THRAP3: variants seen among roughly 807,000 people sequenced by gnomAD.
The protein encoded by THRAP3 is thyroid hormone receptor associated protein 3, also known as thyroid hormone receptor-associated protein 3.
A neutral mutation model predicts 101.0 loss-of-function variants in THRAP3; 16 were observed. The ratio of observed to expected loss-of-function variants is 0.16; its 90% CI spans 0.11 to 0.24. The LOEUF is 0.24. Among genes scored for constraint, THRAP3 ranks in the 10% least tolerant of loss-of-function variants. THRAP3 has a pLI of 1.00. For missense variants in THRAP3, 989 were observed against 1,202.7 expected (o/e 0.82, Z 2.63); for synonymous variants, 407 against 422.6 (o/e 0.96, Z 0.45).
chr1:36,232,680 G>T (rs571310972), intron 1 of THRAP3, among the ~76,000 whole-genome samples: 2 of 152,110 alleles, frequency 1.3e-5, no homozygotes, highest in Non-Finnish European at 2.9e-5. Flanking sequence ...TGGCTTGATG[G>T]CATTCTCTGA....
rs1432530464 is a variant in THRAP3 at position 36,287,233 on chromosome 1, G to A, written c.1003G>A (p.Glu335Lys). The A allele has an allele frequency of 6.2e-7, 1 of 1,613,486 alleles. No individual in the cohort carries two copies. The highest frequency in any genetic ancestry group is 8.5e-7 in the Non-Finnish European group (1 of 1,179,668). The change falls in exon 4 of 12, where the codon GAG becomes AAG. Residue 335 changes from glutamate to lysine, a missense_variant. Glu to Lys is a moderately conservative substitution (Grantham distance 56). Coordinates refer to ENST00000354618, the MANE Select transcript of THRAP3 (RefSeq NM_005119.4). The part of the protein sequence containing the change: ...GSTYGSSQKE[E>K]SAASGGAAYT... ...CACATATGGCTCATCTCAGAAGGAG[G>A]AGAGTGCTGCTTCAGGAGGAGCAGC...
chr1:36,290,702 G>T (rs1029532740), intron 5 of THRAP3, among the ~76,000 whole-genome samples: 2 of 152,142 alleles, frequency 1.3e-5, no homozygotes, highest in African/African-American at 2.4e-5. Context: ...CTGACTTCAG[G>T]TGATCTGCCT....
chr1:36,277,315 A>G (rs1645673572), intron 2 of THRAP3, among the ~76,000 whole-genome samples: 1 of 147,318 alleles, frequency 6.8e-6, no homozygotes, highest in African/African-American at 2.5e-5. Flanking sequence ...TTGCTCTGTC[A>G]CCCAGGCTGG....
Position 36,304,182 on chromosome 1 carries a change from C to A in THRAP3, c.*165C>A. The stretch of plus-strand genomic sequence containing the variant: ...CGAGAGGCATCCCTGGCGCTGTCTC[C>A]CACTGGACAGAGGAGGCTGGCCATG... On this transcript the variant is annotated 3_prime_UTR_variant, in exon 12 of 12. Transcript: ENST00000354618. 8.9e-7 allele frequency: 1 copy of A among 1,119,762 alleles called. No individual in the cohort carries two copies. Among genetic ancestry groups the A allele is most frequent in the Non-Finnish European group, 1.2e-6 (1 of 826,018 alleles). 69.4% of individuals were successfully genotyped at this position (1,119,762 alleles called of 1,614,324 possible).
chr1:36,266,110 C>T (rs1431055245), intron 2 of THRAP3, among the ~76,000 whole-genome samples: 1 of 150,088 alleles, frequency 6.7e-6, no homozygotes, highest in Non-Finnish European at 1.5e-5. Context: ...GCTGAGATTG[C>T]ACCACTGCAC....
chr1:36,266,146 C>G (rs1645511329), intron 2 of THRAP3, among the ~76,000 whole-genome samples: 1 of 117,968 alleles, frequency 8.5e-6, no homozygotes, highest in Non-Finnish European at 1.8e-5. Flanking sequence ...GAGTAAGACT[C>G]ATTCTCAAAA....
In THRAP3 at chr1:36,288,039, G is replaced by C. The variant is rs563445964; in HGVS notation, c.1040+769G>C. ...TATTTAGCATGTTTTTTGATCCCTTGATTCTTCTTGGCTGTATTAACACGA... is the reference window on the plus strand; with the variant it reads ...TATTTAGCATGTTTTTTGATCCCTTCATTCTTCTTGGCTGTATTAACACGA... On this transcript the variant is annotated intron_variant, in intron 4 of 11. Transcript: ENST00000354618. The C allele has an allele frequency of 3.1e-6, 3 of 959,838 alleles. No individual in the cohort carries two copies. In the East Asian group the frequency reaches 3.5e-4, roughly 110 times the overall value. The allele number at this position is 959,838 out of a possible 1,614,324, so 59.5% of individuals were successfully genotyped here.
intron 8 of THRAP3, among the ~76,000 whole-genome samples, chr1:36,295,645 T>C (rs776219793): frequency 1.5e-4 from 22 of 151,256 alleles, no homozygotes; most frequent in Middle Eastern, 3.4e-3. Context: ...GTTTCTTTGG[T>C]TTCTTTCCCC....
the THRAP3 span, among the ~76,000 whole-genome samples, chr1:36,214,580 C>T: frequency 2.6e-5 from 4 of 152,268 alleles, no homozygotes; most frequent in African/African-American, 9.6e-5. Context: ...AAATGTGGGC[C>T]AGGCTCATTG....
At chr1:36,287,543 A>T (rs902933792) in intron 4 of THRAP3, 11 of 985,480 alleles carry the variant, frequency 1.1e-5, no homozygotes, top group Non-Finnish European at 1.3e-5. Flanking sequence ...GGATTCTACC[A>T]ATGTAAGCCA....
intron 2 of THRAP3, among the ~76,000 whole-genome samples, chr1:36,263,826 A>C (rs1486387079): frequency 6.6e-6 from 1 of 152,228 alleles, no homozygotes. Context: ...AAAAGTTCTA[A>C]GTGAACTTTT....
At chr1:36,214,348 AG>A in the THRAP3 span, among the ~76,000 whole-genome samples, 2 of 152,222 alleles carry the variant, frequency 1.3e-5, no homozygotes, top group African/African-American at 4.8e-5. Flanking sequence ...GCCCTTTCTC[AG>A]CCAGCCAGTC....
chr1:36,252,948 AT>A (rs1557819372), intron 1 of THRAP3, among the ~76,000 whole-genome samples: 12 of 116,418 alleles, frequency 1.0e-4, no homozygotes, highest in Non-Finnish European at 1.5e-4. Flanking sequence ...ATATATATAT[AT>A]ATATATATAT....
rs950888167 is a variant in THRAP3, at chr1:36,305,356, A to G, written c.*1339A>G. 7.1e-5 allele frequency: 13 copies of G among 184,004 alleles called. No individual in the cohort carries two copies. The highest frequency in any genetic ancestry group is 2.8e-4 in the African/African-American group (12 of 42,550). 11.4% of individuals were successfully genotyped at this position (184,004 alleles called of 1,614,324 possible). On this transcript the variant is annotated 3_prime_UTR_variant, in exon 12 of 12. Transcript: ENST00000354618. ...TAAAATAAATGAAGTGGCAGATGTA[A>G]ACGGGTTCTGTTCATTGTCATCCTG...
At chr1:36,300,556 G>A (rs1385388140) in intron 9 of THRAP3, among the ~76,000 whole-genome samples, 1 of 152,182 alleles carries the variant, frequency 6.6e-6, no homozygotes, top group Non-Finnish European at 1.5e-5. Flanking sequence ...TCTCAATATA[G>A]TGTTAATTTC....
Position 36,291,556 on chromosome 1 carries a change from G to C in THRAP3, c.1918+10G>C. 1 of 1,611,870 alleles carries C rather than the reference G, an allele frequency of 6.2e-7. No homozygotes were observed. Among genetic ancestry groups the C allele is most frequent in the Non-Finnish European group, 8.5e-7 (1 of 1,178,220 alleles). ...GTTCACCATGTTAAAGGTGAGTCCA[G>C]ACCCTGGCCTGCTTCAGGCTCGTGT... On this transcript the variant is annotated intron_variant, in intron 6 of 11. Coordinates refer to ENST00000354618, the MANE Select transcript of THRAP3 (RefSeq NM_005119.4).
chr1:36,278,352 C>G (rs535808277), intron 2 of THRAP3, among the ~76,000 whole-genome samples: 91 of 152,144 alleles, frequency 6.0e-4, no homozygotes, highest in Non-Finnish European at 1.2e-3. Flanking sequence ...AGGCGTGAGT[C>G]ACTGCACCAG....
At chr1:36,251,436 C>T (rs1344635657) in intron 1 of THRAP3, among the ~76,000 whole-genome samples, 1 of 152,024 alleles carries the variant, frequency 6.6e-6, no homozygotes, top group East Asian at 1.9e-4. Flanking sequence ...CATCAGTTGG[C>T]ATGTTTGATT....
At chr1:36,239,483 T>C (rs536185304) in intron 1 of THRAP3, among the ~76,000 whole-genome samples, 3 of 152,234 alleles carry the variant, frequency 2.0e-5, no homozygotes, top group African/African-American at 7.2e-5. Context: ...CCCAGATTGG[T>C]CTTTAATGCC....
Sources: gnomAD v4.1 joint callset for allele counts (sites outside exome capture counted in the v4.1 genomes callset) on GRCh38, gnomAD v4.1.1 for gene constraint, MANE v1.5 for transcripts, NCBI Gene and HGNC (gene_info 2026-07-23, HGNC 2026-07-21) for gene names.